Variants in KIF16B observed in about 807,000 individuals in gnomAD.
KIF16B encodes kinesin family member 16B, also known as kinesin-like protein KIF16B.
KIF16B carries 98 observed loss-of-function variants against 156.3 expected under a neutral mutation model. The ratio of observed to expected loss-of-function variants is 0.63; its 90% CI spans 0.53 to 0.74. KIF16B has a LOEUF of 0.74. Among genes scored for constraint, KIF16B ranks in the 30% least tolerant of loss-of-function variants. KIF16B has a pLI of 0.00. For missense variants in KIF16B, 1,421 were observed against 1,606.5 expected (o/e 0.88, Z 1.97); for synonymous variants, 564 against 583.7 (o/e 0.97, Z 0.49).
At chr20:16,420,697 G>GGTTT (rs111800657) in intron 15 of KIF16B, among the ~76,000 whole-genome samples, 493 of 152,116 alleles carry the variant, frequency 3.2e-3, no homozygotes, top group African/African-American at 0.011. Context: ...TGCCTCAAAA[G>GGTTT]GTTTGTTTGT....
At chr20:16,415,534 T>TCA (rs1397757260) in intron 15 of KIF16B, among the ~76,000 whole-genome samples, 1 of 152,104 alleles carries the variant, frequency 6.6e-6, no homozygotes, top group Non-Finnish European at 1.5e-5. Context: ...TACTGAGTGG[T>TCA]CAGCACAGAC....
At chr20:16,352,550 C>G (rs1331697917) in intron 23 of KIF16B, among the ~76,000 whole-genome samples, 1 of 152,182 alleles carries the variant, frequency 6.6e-6, no homozygotes, top group African/African-American at 2.4e-5. Flanking sequence ...TGAAATCACA[C>G]GCCCTGTGTC....
At chr20:16,326,209 T>C (rs536181065) in intron 24 of KIF16B, among the ~76,000 whole-genome samples, 1 of 151,926 alleles carries the variant, frequency 6.6e-6, no homozygotes, top group East Asian at 1.9e-4. Context: ...GAAGATAACA[T>C]TGGAAGAACT....
intron 25 of KIF16B, 100 bp downstream of exon 25, chr20:16,312,235 A>T (rs1342726046): frequency 1.3e-6 from 1 of 795,048 alleles, no homozygotes; most frequent in East Asian, 2.7e-5. Context: ...GCATCTTCAC[A>T]CTTGTGAAGA....
chr20:16,473,144 C>T (rs1433045849), intron 12 of KIF16B, among the ~76,000 whole-genome samples: 4 of 152,090 alleles, frequency 2.6e-5, no homozygotes, highest in South Asian at 4.1e-4. Flanking sequence ...ACACCAAAAC[C>T]GCAAAAGAGC....
rs778822427 is a variant in KIF16B, at chr20:16,367,621, A to G, written c.3498+2965T>C. The G allele has an allele frequency of 1.6e-5, 25 of 1,612,614 alleles. No individual in the cohort carries two copies. Among genetic ancestry groups the G allele is most frequent in the African/African-American group, 1.5e-4 (11 of 74,950 alleles). ...TGCCAGGGAAGGGACATTGACTTCCATATTTCCATGAAGAAAGTAAATCAT... is the reference window on the plus strand; with the variant it reads ...TGCCAGGGAAGGGACATTGACTTCCGTATTTCCATGAAGAAAGTAAATCAT... On this transcript the variant is annotated intron_variant, in intron 22 of 25. Coordinates refer to ENST00000354981, the MANE Select transcript of KIF16B (RefSeq NM_024704.5).
chr20:16,546,779 A>G (rs1396272217), intron 1 of KIF16B, among the ~76,000 whole-genome samples: 1 of 152,010 alleles, frequency 6.6e-6, no homozygotes, highest in Non-Finnish European at 1.5e-5. Flanking sequence ...TTAATTATTT[A>G]TTTATTTATT....
intron 12 of KIF16B, among the ~76,000 whole-genome samples, chr20:16,452,292 C>T (rs144202838): frequency 1.6e-4 from 25 of 152,090 alleles, no homozygotes; most frequent in African/African-American, 5.8e-4. Flanking sequence ...GAGAAGGCTG[C>T]CCTAAGTCTT....
At chr20:16,357,496 A>G (rs1325334577) in intron 22 of KIF16B, among the ~76,000 whole-genome samples, 1 of 152,224 alleles carries the variant, frequency 6.6e-6, no homozygotes, top group African/African-American at 2.4e-5. Context: ...AATTACATCC[A>G]TCTGAGATAC....
chr20:16,487,887 A>G (rs995082791), intron 12 of KIF16B, among the ~76,000 whole-genome samples: 1 of 152,214 alleles, frequency 6.6e-6, no homozygotes, highest in Admixed American at 6.5e-5. Context: ...CTCCAAATTC[A>G]GTTTTCGACA....
Position 16,312,383 on chromosome 20 carries a change from A to T in KIF16B, c.3747T>A (p.Phe1249Leu), listed in dbSNP as rs2063632876. 6.2e-7 allele frequency: 1 copy of T among 1,613,604 alleles called. No individual in the cohort carries two copies. The highest frequency in any genetic ancestry group is 1.1e-5 in the South Asian group (1 of 91,054). Residue 1249 changes from phenylalanine to leucine, a missense_variant, in exon 25 of 26, where the codon TTT becomes TTA. Physicochemically the swap from Phe to Leu is conservative, Grantham distance 22. Coordinates refer to ENST00000354981, the MANE Select transcript of KIF16B (RefSeq NM_024704.5). ...CAATCACACGTTCATCCTTATTTCC[A>T]AATAGTTTCTTTGGAGGAAATTCAA... The part of the protein sequence containing the change: ...AALEFPPKKL[F>L]GNKDERVIAE...
At chr20:16,312,926 C>T (rs35583105) in intron 24 of KIF16B, among the ~76,000 whole-genome samples, 5,346 of 152,070 alleles carry the variant, frequency 0.035, 108 homozygotes, top group African/African-American at 0.045. Context: ...CAGTTACCAC[C>T]GTGAATGAAG....
chr20:16,345,208 C>T (rs187057720), intron 23 of KIF16B, among the ~76,000 whole-genome samples: 103 of 152,354 alleles, frequency 6.8e-4, no homozygotes, highest in Non-Finnish European at 1.2e-3. Flanking sequence ...ATTTTTCTCA[C>T]GTGTTTCTCT....
At chr20:16,557,156 T>TACACAC (rs113887018) in intron 1 of KIF16B, among the ~76,000 whole-genome samples, 2,334 of 119,798 alleles carry the variant, frequency 0.019, 57 homozygotes, top group African/African-American at 0.073. Flanking sequence ...ACTATATATA[T>TACACAC]ATACACACAC....
chr20:16,275,328 T>C (rs886309549), intron 25 of KIF16B, among the ~76,000 whole-genome samples: 6 of 152,230 alleles, frequency 3.9e-5, no homozygotes, highest in African/African-American at 1.4e-4. Context: ...AGTATTGGGA[T>C]TACAGGTGTG....
At position 16,371,807 on chromosome 20, in the gene KIF16B, C is replaced by T. The variant is rs370655324; in HGVS notation, c.3351-46G>A. ...AGTAGATCTGACACTTCTAACCACA[C>T]AGGACATTCTGAGATCCTCTCTTTA... On this transcript the variant is annotated intron_variant, in intron 20 of 25. Transcript: ENST00000354981. The T allele has an allele frequency of 9.1e-6, 12 of 1,311,872 alleles. No homozygotes were observed. The African/African-American group carries it at 1.6e-4, about 18-fold the overall frequency. The allele number at this position is 1,311,872 out of a possible 1,614,324, so 81.3% of individuals were successfully genotyped here.
chr20:16,545,915 A>T (rs1233567797), intron 1 of KIF16B, among the ~76,000 whole-genome samples: 1 of 152,124 alleles, frequency 6.6e-6, no homozygotes, highest in Admixed American at 6.6e-5. Context: ...AAAAAAAAAA[A>T]ATACAATTTT....
intron 1 of KIF16B, among the ~76,000 whole-genome samples, chr20:16,556,193 T>A (rs2070841294): frequency 6.6e-6 from 1 of 152,076 alleles, no homozygotes; most frequent in Non-Finnish European, 1.5e-5. Flanking sequence ...GTCACTTGGG[T>A]GCAACTTCTT....
intron 10 of KIF16B, among the ~76,000 whole-genome samples, chr20:16,502,323 T>A (rs1402810920): frequency 6.6e-6 from 1 of 152,214 alleles, no homozygotes; most frequent in Non-Finnish European, 1.5e-5. Flanking sequence ...TATACAGAGA[T>A]GTTTAATGGA....
Sources: allele counts gnomAD v4.1 joint callset (sites outside exome capture counted in the v4.1 genomes callset), GRCh38; gene constraint gnomAD v4.1.1; transcripts MANE v1.5; gene names NCBI Gene and HGNC (gene_info 2026-07-23, HGNC 2026-07-21).